NRCAM: variants seen among roughly 807,000 people sequenced by gnomAD.
NRCAM encodes NgCAM-related cell adhesion molecule.
A neutral mutation model predicts 156.5 loss-of-function variants in NRCAM; 83 were observed. The ratio of observed to expected loss-of-function variants is 0.53; its 90% CI spans 0.44 to 0.64. The LOEUF is 0.64. NRCAM is among the 30% of genes least tolerant of loss of function. The pLI is 0.00. For missense variants in NRCAM, 1,417 were observed against 1,597.3 expected (o/e 0.89, Z 1.92); for synonymous variants, 538 against 563.9 (o/e 0.95, Z 0.65).
At chr7:108,206,568 G>T (rs1431418834) in intron 13 of NRCAM, among the ~76,000 whole-genome samples, 1 of 152,146 alleles carries the variant, frequency 6.6e-6, no homozygotes, top group Non-Finnish European at 1.5e-5. Flanking sequence ...GGAAAATGTT[G>T]AAAGATGCTC....
intron 2 of NRCAM, among the ~76,000 whole-genome samples, chr7:108,323,784 T>A (rs544917209): frequency 2.0e-5 from 3 of 151,864 alleles, no homozygotes; most frequent in African/African-American, 7.2e-5. Flanking sequence ...GGTGAGAAAA[T>A]AGAGTGTGAA....
At chr7:108,371,002 G>T (rs1258143442) in intron 2 of NRCAM, among the ~76,000 whole-genome samples, 2 of 152,050 alleles carry the variant, frequency 1.3e-5, no homozygotes, top group Non-Finnish European at 2.9e-5. Context: ...TGAGAAATTT[G>T]TTGCAGACAA....
At chr7:108,268,668 G>A (rs1364818107) in intron 3 of NRCAM, among the ~76,000 whole-genome samples, 1 of 149,430 alleles carries the variant, frequency 6.7e-6, no homozygotes, top group Non-Finnish European at 1.5e-5. Context: ...AAGAGGACAT[G>A]CAATGAGCAA....
At chr7:108,321,858 T>C (rs1000313573) in intron 2 of NRCAM, among the ~76,000 whole-genome samples, 1 of 152,230 alleles carries the variant, frequency 6.6e-6, no homozygotes, top group African/African-American at 2.4e-5. Context: ...ATATGCCCAA[T>C]TAACTTGGCC....
intron 2 of NRCAM, among the ~76,000 whole-genome samples, chr7:108,366,852 T>G (rs997916990): frequency 9.2e-5 from 14 of 152,228 alleles, no homozygotes; most frequent in Admixed American, 9.2e-4. Flanking sequence ...ATTTGTCATC[T>G]TAGAACAAGG....
intron 3 of NRCAM, among the ~76,000 whole-genome samples, chr7:108,281,728 C>T (rs1289828905): frequency 1.3e-5 from 2 of 152,162 alleles, no homozygotes; most frequent in African/African-American, 4.8e-5. Context: ...AGATGGCTGC[C>T]AAGCTTGGGG....
At position 108,168,337 on chromosome 7, in the gene NRCAM, T is replaced by G. The variant is rs1411857352; in HGVS notation, c.3253A>C (p.Ser1085Arg). 2.5e-6 allele frequency: 4 copies of G among 1,610,352 alleles called. No individual in the cohort carries two copies. The highest frequency in any genetic ancestry group is 1.1e-5 in the South Asian group (1 of 90,162). ...TGCTCTGGTCCCTCATATTCCCAACTGATATTGGCATAGGTCTCAGCAGCT... is the reference window on the plus strand; with the variant it reads ...TGCTCTGGTCCCTCATATTCCCAACGGATATTGGCATAGGTCTCAGCAGCT... Reference protein sequence around the residue: ...AAAAETYANISWEYEGPEHVN... With the variant: ...AAAAETYANIRWEYEGPEHVN... The change falls in exon 29 of 33, where the codon AGT becomes CGT. Residue 1085 changes from serine to arginine, a missense_variant. Physicochemically the swap from Ser to Arg is moderately radical, Grantham distance 110. Transcript: ENST00000379028.
chr7:108,219,935 C>T (rs1445649243), intron 11 of NRCAM, among the ~76,000 whole-genome samples: 2 of 152,060 alleles, frequency 1.3e-5, no homozygotes, highest in African/African-American at 4.8e-5. Flanking sequence ...ATGATATGAT[C>T]ATTTACCTTG....
At chr7:108,431,402 C>A (rs1824953558) in intron 1 of NRCAM, among the ~76,000 whole-genome samples, 1 of 152,216 alleles carries the variant, frequency 6.6e-6, no homozygotes, top group Non-Finnish European at 1.5e-5. Context: ...AAGGCTTCAG[C>A]AGCTCCTCAA....
intron 3 of NRCAM, among the ~76,000 whole-genome samples, chr7:108,248,899 A>G (rs754957914): frequency 2.0e-5 from 3 of 152,196 alleles, no homozygotes; most frequent in Non-Finnish European, 4.4e-5. Context: ...AAAGAGTTTC[A>G]GAAGTGACAT....
intron 22 of NRCAM, 127 bp downstream of exon 22, chr7:108,184,112 TTA>T (rs10561815): frequency 0.67 from 288,638 of 433,144 alleles, 95,353 homozygotes; most frequent in East Asian, 0.72. Context: ...ATATGTATCT[TTA>T]TATATATATA....
intron 1 of NRCAM, among the ~76,000 whole-genome samples, chr7:108,438,046 T>C (rs1051764754): frequency 6.7e-6 from 1 of 149,562 alleles, no homozygotes; most frequent in Non-Finnish European, 1.5e-5. Flanking sequence ...AAAAAAAAAA[T>C]TAATTAATTA....
chr7:108,278,594 T>C (rs1007832903), intron 3 of NRCAM, among the ~76,000 whole-genome samples: 2 of 152,206 alleles, frequency 1.3e-5, no homozygotes, highest in Non-Finnish European at 1.5e-5. Flanking sequence ...GGTCTGCTGG[T>C]TGTGAAGACC....
At chr7:108,154,877 G>A (rs918166232) in intron 32 of NRCAM, among the ~76,000 whole-genome samples, 4 of 151,764 alleles carry the variant, frequency 2.6e-5, no homozygotes, top group South Asian at 2.1e-4. Flanking sequence ...ACACACACGC[G>A]GAACTTTCCA....
At position 108,182,777 on chromosome 7, in the gene NRCAM, T is replaced by G. The variant is rs761704151; in HGVS notation, c.2448A>C (p.Pro816=). The change falls in exon 23 of 33, where the codon CCA becomes CCC. Residue 816 remains proline (P), a synonymous_variant. Coordinates refer to ENST00000379028, the MANE Select transcript of NRCAM (RefSeq NM_001037132.4). Reference sequence around the variant, plus strand: ...TCAGGGCCTGAACTTTGATCAGGTATGGAACAAAGGTTGGCGTGCCTGAGA... The same window carrying G: ...TCAGGGCCTGAACTTTGATCAGGTAGGGAACAAAGGTTGGCGTGCCTGAGA... The part of the protein sequence containing the change: ...YIVSGTPTFV[P]YLIKVQALND... The G allele has an allele frequency of 2.7e-5, 43 of 1,614,114 alleles. No individual in the cohort carries two copies. Among genetic ancestry groups the G allele is most frequent in the Non-Finnish European group, 3.6e-5 (42 of 1,180,050 alleles).
chr7:108,344,411 G>T (rs1276816269), intron 2 of NRCAM, among the ~76,000 whole-genome samples: 1 of 152,030 alleles, frequency 6.6e-6, no homozygotes, highest in Non-Finnish European at 1.5e-5. Flanking sequence ...CCAGGCATTC[G>T]AGCTGGCAAT....
At chr7:108,189,214 C>G (rs1248037791) in intron 20 of NRCAM, among the ~76,000 whole-genome samples, 1 of 152,102 alleles carries the variant, frequency 6.6e-6, no homozygotes, top group Non-Finnish European at 1.5e-5. Flanking sequence ...AGTTCTGTTA[C>G]CAACAGGGGG....
intron 2 of NRCAM, among the ~76,000 whole-genome samples, chr7:108,382,982 G>C (rs145389220): frequency 6.6e-6 from 1 of 152,268 alleles, no homozygotes; most frequent in Non-Finnish European, 1.5e-5. Context: ...TTCCCAAAGG[G>C]ATATAATTAT....
At chr7:108,404,541 C>G (rs1239949188) in intron 1 of NRCAM, among the ~76,000 whole-genome samples, 1 of 152,128 alleles carries the variant, frequency 6.6e-6, no homozygotes, top group Non-Finnish European at 1.5e-5. Flanking sequence ...GGTGGCAAAA[C>G]CAAGACTACA....
Sources: gnomAD v4.1 joint callset for allele counts (sites outside exome capture counted in the v4.1 genomes callset) on GRCh38, gnomAD v4.1.1 for gene constraint, MANE v1.5 for transcripts, NCBI Gene and HGNC (gene_info 2026-07-23, HGNC 2026-07-21) for gene names.